MYO1E: variants seen among roughly 807,000 people sequenced by gnomAD.
The protein encoded by MYO1E is unconventional myosin-Ie.
A neutral mutation model predicts 151.1 loss-of-function variants in MYO1E; 68 were observed. The ratio of observed to expected loss-of-function variants is 0.45; its 90% CI spans 0.37 to 0.55. The LOEUF (loss-of-function observed/expected upper bound fraction) is 0.55. MYO1E is among the 20% of genes least tolerant of loss of function. The probability of loss-of-function intolerance (pLI) is 0.00; values close to 1 mark genes in which losing one functional copy is unlikely to be tolerated. For missense variants in MYO1E, 1,363 were observed against 1,389.3 expected, an observed-to-expected ratio of 0.98 and a Z score of 0.30; for synonymous variants, 601 against 501.7, an observed-to-expected ratio of 1.20 and a Z score of -2.64.
chr15:59,273,861 C>T (rs572030541), intron 1 of MYO1E, among the ~76,000 whole-genome samples: 1 of 152,178 alleles, frequency 6.6e-6, no homozygotes, highest in East Asian at 1.9e-4. Flanking sequence ...CGCCCCTGCC[C>T]CCTCCCTGCT....
chr15:59,363,756 C>G (rs1185333471), intron 1 of MYO1E, among the ~76,000 whole-genome samples: 1 of 152,148 alleles, frequency 6.6e-6, no homozygotes, highest in African/African-American at 2.4e-5. Context: ...TGGGGAGCTT[C>G]TCATAAGCAG....
chr15:59,191,382 G>A (rs532824267), intron 17 of MYO1E, among the ~76,000 whole-genome samples: 1 of 149,100 alleles, frequency 6.7e-6, no homozygotes, highest in East Asian at 2.0e-4. Context: ...GAAATGTCAT[G>A]TCAATTAAAA....
At chr15:59,226,477 T>C (rs1189094376) in intron 7 of MYO1E, among the ~76,000 whole-genome samples, 2 of 152,212 alleles carry the variant, frequency 1.3e-5, no homozygotes, top group Non-Finnish European at 2.9e-5. Context: ...TTAACATCAT[T>C]ATATTTTTTA....
chr15:59,201,797 C>T (rs185576092), intron 16 of MYO1E, among the ~76,000 whole-genome samples: 17 of 152,308 alleles, frequency 1.1e-4, no homozygotes, highest in Admixed American at 7.2e-4. Flanking sequence ...CTGAGAAACA[C>T]TGTAAGATTT....
intron 2 of MYO1E, among the ~76,000 whole-genome samples, chr15:59,269,384 C>G (rs1311418213): frequency 1.3e-5 from 2 of 152,196 alleles, no homozygotes; most frequent in East Asian, 3.8e-4. Context: ...AGATCCACAT[C>G]CTGCCACCCA....
At chr15:59,143,450 G>C (rs1283481085) in intron 26 of MYO1E, among the ~76,000 whole-genome samples, 1 of 152,228 alleles carries the variant, frequency 6.6e-6, no homozygotes, top group Non-Finnish European at 1.5e-5. Flanking sequence ...TGACCACAAA[G>C]AGGCACAGCT....
intron 1 of MYO1E, among the ~76,000 whole-genome samples, chr15:59,333,496 G>A (rs1199447825): frequency 6.6e-6 from 1 of 152,136 alleles, no homozygotes; most frequent in African/African-American, 2.4e-5. Flanking sequence ...TCCTGTCTCG[G>A]CCTCCCAAAC....
intron 2 of MYO1E, among the ~76,000 whole-genome samples, chr15:59,262,990 G>A (rs1444771420): frequency 1.3e-5 from 2 of 151,574 alleles, no homozygotes; most frequent in Non-Finnish European, 2.9e-5. Context: ...TTGACTTCAT[G>A]GAGAGAATAA....
chr15:59,272,518 G>A, intron 1 of MYO1E, 69 bp from the exon 2 acceptor site: 2 of 1,495,642 alleles, frequency 1.3e-6, no homozygotes, highest in Admixed American at 1.7e-5. Flanking sequence ...ACAAAATGCT[G>A]TTAATTTCCC....
chr15:59,142,509 T>C (rs1449736404), intron 26 of MYO1E, among the ~76,000 whole-genome samples: 1 of 152,244 alleles, frequency 6.6e-6, no homozygotes, highest in Non-Finnish European at 1.5e-5. Context: ...CCTGTTTCTG[T>C]CCTTCGTGTC....
At chr15:59,332,555 C>T (rs1267616365) in intron 1 of MYO1E, among the ~76,000 whole-genome samples, 2 of 152,110 alleles carry the variant, frequency 1.3e-5, no homozygotes, top group African/African-American at 4.8e-5. Context: ...ACAGGTGTTT[C>T]TAGATGTAGT....
In MYO1E at chr15:59,135,577, CA is replaced by C. The variant is rs2079367443; in HGVS notation, c.*1802del. The C allele has an allele frequency of 6.6e-6, 1 of 152,258 alleles. No homozygotes were observed. Among genetic ancestry groups the C allele is most frequent in the Admixed American group, 6.5e-5 (1 of 15,284 alleles). The allele number at this position is 152,258 out of a possible 1,614,324, so 9.4% of individuals were successfully genotyped here. On this transcript the variant is annotated 3_prime_UTR_variant, in exon 28 of 28. Transcript: ENST00000288235. ...GCTCTACTTTCCTCTCTGGTCGCAA[CA>C]TGGAACTGAAGTAGCCTTTTAACAT...
intron 1 of MYO1E, among the ~76,000 whole-genome samples, chr15:59,302,821 TAA>T (rs1179865918): frequency 1.3e-5 from 2 of 152,106 alleles, no homozygotes; most frequent in African/African-American, 4.8e-5. Flanking sequence ...TGAAAGTAAA[TAA>T]AAGACACTTG....
At chr15:59,339,475 G>A (rs996206092) in intron 1 of MYO1E, among the ~76,000 whole-genome samples, 1 of 152,146 alleles carries the variant, frequency 6.6e-6, no homozygotes, top group African/African-American at 2.4e-5. Context: ...TCACTACCCC[G>A]ATATTCACAG....
chr15:59,176,761 T>C (rs2140318967), intron 19 of MYO1E, among the ~76,000 whole-genome samples: 1 of 152,204 alleles, frequency 6.6e-6, no homozygotes, highest in Non-Finnish European at 1.5e-5. Context: ...CCAGCCAGAT[T>C]TTAAGAGTCA....
At chr15:59,325,366 C>A (rs1596418179) in intron 1 of MYO1E, among the ~76,000 whole-genome samples, 2 of 152,092 alleles carry the variant, frequency 1.3e-5, no homozygotes. Flanking sequence ...GATAAAAGAT[C>A]TCCAAATGAC....
intron 1 of MYO1E, among the ~76,000 whole-genome samples, chr15:59,300,427 T>C (rs1202149004): frequency 6.6e-6 from 1 of 152,146 alleles, no homozygotes; most frequent in African/African-American, 2.4e-5. Context: ...TTGGCAAAGA[T>C]ACTTCTAGAG....
chr15:59,330,376 G>T (rs1479885981), intron 1 of MYO1E, among the ~76,000 whole-genome samples: 1 of 152,166 alleles, frequency 6.6e-6, no homozygotes, highest in Non-Finnish European at 1.5e-5. Context: ...CTTTAAGAGT[G>T]GAACATTGCT....
chr15:59,195,761 T>C (rs2079762964), intron 16 of MYO1E, among the ~76,000 whole-genome samples, 194 bp from the exon 17 acceptor site: 1 of 152,208 alleles, frequency 6.6e-6, no homozygotes. Flanking sequence ...ATTTTATCAC[T>C]CCTAAATGGG....
Sources: gnomAD v4.1 joint callset for allele counts (sites outside exome capture counted in the v4.1 genomes callset) on GRCh38, gnomAD v4.1.1 for gene constraint, MANE v1.5 for transcripts, NCBI Gene and HGNC (gene_info 2026-07-23, HGNC 2026-07-21) for gene names.